PTK7: variants seen among roughly 807,000 people sequenced by gnomAD.
The protein encoded by PTK7 is inactive tyrosine-protein kinase 7.
A neutral mutation model predicts 116.6 loss-of-function variants in PTK7; 39 were observed. The observed-to-expected ratio is 0.33, with a 90% CI of 0.26 to 0.44. PTK7 has a LOEUF of 0.44. Ranked by LOEUF, PTK7 falls within the 20% of genes least tolerant of loss-of-function variation. The pLI is 1.00. For synonymous variants in PTK7, 546 were observed against 563.6 expected, an observed-to-expected ratio of 0.97 and a Z score of 0.44; for missense variants, 1,169 against 1,425.6, an observed-to-expected ratio of 0.82 and a Z score of 2.90.
intron 1 of PTK7, among the ~76,000 whole-genome samples, chr6:43,090,306 G>A (rs773972134): frequency 2.2e-4 from 33 of 152,194 alleles, no homozygotes; most frequent in African/African-American, 7.2e-4. Context: ...GTAAACAGCC[G>A]GGGCCTCTTG....
At chr6:43,093,882 A>C (rs1027517481) in intron 1 of PTK7, among the ~76,000 whole-genome samples, 2 of 152,198 alleles carry the variant, frequency 1.3e-5, no homozygotes, top group Non-Finnish European at 2.9e-5. Context: ...ATCTTCCTGG[A>C]CCCAAATACC....
chr6:43,158,046 C>T (rs529164585), intron 17 of PTK7, among the ~76,000 whole-genome samples: 4 of 152,098 alleles, frequency 2.6e-5, no homozygotes, highest in African/African-American at 9.6e-5. Flanking sequence ...TGCCTGTAAT[C>T]CCAGCACTTT....
chr6:43,121,805 A>C (rs1032358120), intron 1 of PTK7, among the ~76,000 whole-genome samples: 1 of 152,212 alleles, frequency 6.6e-6, no homozygotes, highest in African/African-American at 2.4e-5. Context: ...CTGTTCACTC[A>C]AATGAGTTAT....
Position 43,141,774 on chromosome 6 carries a change from G to A in PTK7, c.1725G>A (p.Gly575=). ...AGNYTCIASN[G]PQGQIRAHVQ... is the part of the protein sequence containing the mutation. Reference sequence around the variant, plus strand: ...ACTACACTTGCATTGCCTCCAACGGGCCGCAGGGCCAGATTCGTGCCCATG... The same window carrying A: ...ACTACACTTGCATTGCCTCCAACGGACCGCAGGGCCAGATTCGTGCCCATG... The change falls in exon 11 of 20, where the codon GGG becomes GGA. Residue 575 remains glycine (G), a synonymous_variant. Coordinates refer to ENST00000230419, the MANE Select transcript of PTK7 (RefSeq NM_002821.5). This position sits in a 1 kb window ranked among gnomAD's most constrained non-coding sequence, Gnocchi z 4.9. 1 of 1,614,098 alleles carries A rather than the reference G, an allele frequency of 6.2e-7. No homozygotes were observed.
intron 1 of PTK7, among the ~76,000 whole-genome samples, chr6:43,095,098 G>A (rs1003500923): frequency 3.4e-5 from 5 of 146,484 alleles, no homozygotes; most frequent in African/African-American, 7.6e-5. Flanking sequence ...AGTGGCTCAC[G>A]CCTGTAGTCC....
At chr6:43,110,005 T>TC (rs1768105117) in intron 1 of PTK7, among the ~76,000 whole-genome samples, 1 of 149,944 alleles carries the variant, frequency 6.7e-6, no homozygotes, top group African/African-American at 2.5e-5. Context: ...GCCTTTTTTT[T>TC]TTTTTTTTTG....
chr6:43,118,649 CTCTCTCTCTCTATATATATA>C (rs1223760440), intron 1 of PTK7, among the ~76,000 whole-genome samples: 33 of 86,534 alleles, frequency 3.8e-4, no homozygotes, highest in African/African-American at 1.2e-3. Context: ...CTCTCTCTCT[CTCTCTCTCTCTATATATATA>C]TATATATATA....
At chr6:43,135,320 G>A (rs1349953826) in intron 7 of PTK7, among the ~76,000 whole-genome samples, 2 of 152,190 alleles carry the variant, frequency 1.3e-5, no homozygotes, top group African/African-American at 2.4e-5. Context: ...GAGATTTGTC[G>A]AGCACCTTGT....
At chr6:43,123,823 C>T (rs1451093928) in intron 1 of PTK7, among the ~76,000 whole-genome samples, 2 of 152,136 alleles carry the variant, frequency 1.3e-5, no homozygotes, top group African/African-American at 2.4e-5. Flanking sequence ...AGGCTCATAC[C>T]GGGGAAGCAG....
chr6:43,157,364 A>C (rs796962935), intron 17 of PTK7, among the ~76,000 whole-genome samples: 2 of 54,364 alleles, frequency 3.7e-5, no homozygotes, highest in East Asian at 8.0e-4. Context: ...ATATATATAT[A>C]TTTTTTTTTT....
At chr6:43,096,405 T>C (rs1767254889) in intron 1 of PTK7, among the ~76,000 whole-genome samples, 1 of 150,300 alleles carries the variant, frequency 6.7e-6, no homozygotes, top group Non-Finnish European at 1.5e-5. Context: ...AAGGGAGCTT[T>C]GCGGGTTCTC....
intron 14 of PTK7, 163 bp from the exon 15 acceptor site, chr6:43,144,288 G>C: frequency 2.6e-6 from 2 of 765,144 alleles, no homozygotes. Context: ...CCCCCACCCA[G>C]CCCCAGCCCC....
chr6:43,111,057 A>G (rs1379281935), intron 1 of PTK7, among the ~76,000 whole-genome samples: 1 of 152,218 alleles, frequency 6.6e-6, no homozygotes, highest in Non-Finnish European at 1.5e-5. Flanking sequence ...TCACCCAGAT[A>G]GGCTCACTCT....
chr6:43,098,684 G>T (rs1274359400), intron 1 of PTK7, among the ~76,000 whole-genome samples: 2 of 151,996 alleles, frequency 1.3e-5, no homozygotes, highest in African/African-American at 4.8e-5. Flanking sequence ...AGTAGTAAAC[G>T]GTATGCTACT....
Position 43,139,608 on chromosome 6 carries a change from C to A in PTK7, c.1618+83C>A. On this transcript the variant is annotated intron_variant, in intron 10 of 19. Coordinates refer to ENST00000230419, the MANE Select transcript of PTK7 (RefSeq NM_002821.5). The surrounding 1 kb of genome is among the most constrained non-coding windows in gnomAD (Gnocchi z 4.6). ...TACCTGAGGGCTGCTGGGTGCCCCG[C>A]ACTGTGCCAGGAAATGTGGAGATTA... 6.4e-7 allele frequency: 1 copy of A among 1,570,686 alleles called. No individual in the cohort carries two copies.
chr6:43,144,922 C>T (rs547112371), intron 15 of PTK7: 4 of 412,366 alleles, frequency 9.7e-6, no homozygotes, highest in Admixed American at 4.0e-5. Flanking sequence ...GTCATAGTTA[C>T]GTTTTTTCCT....
chr6:43,121,878 G>A (rs1171430242), intron 1 of PTK7, among the ~76,000 whole-genome samples: 2 of 152,216 alleles, frequency 1.3e-5, no homozygotes, highest in African/African-American at 4.8e-5. Flanking sequence ...GGTGGCTCAT[G>A]CCTGTAATCC....
intron 1 of PTK7, among the ~76,000 whole-genome samples, chr6:43,116,655 C>T (rs199734801): frequency 0.051 from 5,651 of 111,532 alleles, 162 homozygotes; most frequent in Non-Finnish European, 0.066. Flanking sequence ...TGTGTGTGCG[C>T]GCGCACGCAC....
In PTK7 at chr6:43,160,582, C is replaced by T. The variant is rs187424383; in HGVS notation, c.3053-139C>T. The T allele has an allele frequency of 4.9e-5, 53 of 1,071,146 alleles. No individual in the cohort carries two copies. The East Asian group carries it at 6.3e-4, about 13-fold the overall frequency. 66.4% of individuals were successfully genotyped at this position (1,071,146 alleles called of 1,614,324 possible). ...CCAGGGGAGTCATCTTTTTCCGTTG[C>T]GGGTACCCACCTGCCGCTGGCCAGC... On this transcript the variant is annotated intron_variant, in intron 19 of 19. Transcript: ENST00000230419.
Sources: allele counts gnomAD v4.1 joint callset (sites outside exome capture counted in the v4.1 genomes callset), GRCh38; gene constraint gnomAD v4.1.1; non-coding constraint Gnocchi (gnomAD v3.1); transcripts MANE v1.5; gene names NCBI Gene and HGNC (gene_info 2026-07-23, HGNC 2026-07-21).